RNF150: variants seen among roughly 807,000 people sequenced by gnomAD.
RNF150 encodes the protein ring finger protein 150.
In RNF150, 24 loss-of-function variants were observed where a neutral mutation model predicts 39.3. The ratio of observed to expected loss-of-function variants is 0.61; its 90% CI spans 0.44 to 0.86. RNF150 has a LOEUF of 0.86. Ranked by LOEUF, RNF150 falls within the 40% of genes least tolerant of loss-of-function variation. RNF150 has a pLI of 0.00. For synonymous variants in RNF150, 255 were observed against 227.3 expected (o/e 1.12, Z -1.10); for missense variants, 502 against 587.8 (o/e 0.85, Z 1.51).
intron 6 of RNF150, among the ~76,000 whole-genome samples, chr4:140,879,859 G>C (rs1051967712): frequency 2.0e-5 from 3 of 152,096 alleles, no homozygotes; most frequent in African/African-American, 7.2e-5. Flanking sequence ...CTTTGACTTT[G>C]CTGAATAGTT....
At chr4:141,061,224 G>T (rs1234821770) in intron 1 of RNF150, among the ~76,000 whole-genome samples, 2 of 152,070 alleles carry the variant, frequency 1.3e-5, no homozygotes, top group African/African-American at 4.8e-5. Context: ...GTACTGCATG[G>T]ATGTACATTC....
chr4:141,011,382 T>G (rs974872709), intron 1 of RNF150, among the ~76,000 whole-genome samples: 1 of 152,214 alleles, frequency 6.6e-6, no homozygotes, highest in Non-Finnish European at 1.5e-5. Flanking sequence ...GTTGAATGTC[T>G]ACCCCTCACT....
At position 140,905,667 on chromosome 4, in the gene RNF150, A is replaced by AG. The variant is rs150630289; in HGVS notation, c.1198+5476dup. ...GGCACCTCCCAATCCCAGGCCTGTG[A>AG]GGGGGTTGCTGCAGGGGAATCCCCA... On this transcript the variant is annotated intron_variant, in intron 6 of 6. Transcript: ENST00000515673. Among the ~76,000 whole-genome samples the AG allele has an allele frequency of 3.5e-3, 537 of 152,276 alleles. 3 individuals carry two copies. Among genetic ancestry groups the AG allele is most frequent in the African/African-American group, 0.011 (450 of 41,546 alleles).
intron 1 of RNF150, among the ~76,000 whole-genome samples, chr4:141,173,543 G>T (rs1446843524): frequency 6.6e-6 from 1 of 152,168 alleles, no homozygotes; most frequent in Non-Finnish European, 1.5e-5. Context: ...ATTGGTAAAT[G>T]GCTGTCAGGA....
intron 5 of RNF150, among the ~76,000 whole-genome samples, chr4:140,916,047 G>A (rs936613607): frequency 2.4e-4 from 36 of 152,132 alleles, no homozygotes; most frequent in South Asian, 6.2e-4. Context: ...CCATCTGTAC[G>A]TCCCCATCAT....
intron 6 of RNF150, among the ~76,000 whole-genome samples, chr4:140,885,074 C>A (rs1462363086): frequency 6.6e-6 from 1 of 151,992 alleles, no homozygotes; most frequent in African/African-American, 2.4e-5. Context: ...GGATCTGGGG[C>A]TTTCTATTAT....
chr4:141,158,195 G>A (rs1438618140), intron 1 of RNF150, among the ~76,000 whole-genome samples: 1 of 152,160 alleles, frequency 6.6e-6, no homozygotes, highest in Non-Finnish European at 1.5e-5. Flanking sequence ...GGAGGCTGAG[G>A]TAGGAGAGTC....
intron 1 of RNF150, among the ~76,000 whole-genome samples, chr4:141,077,759 G>C (rs1352493587): frequency 6.6e-6 from 1 of 152,200 alleles, no homozygotes; most frequent in Non-Finnish European, 1.5e-5. Context: ...AACAAATCAG[G>C]ATTCTGCACC....
intron 6 of RNF150, among the ~76,000 whole-genome samples, chr4:140,899,944 TTCTCTC>T (rs60297205): frequency 3.2e-4 from 35 of 110,022 alleles, no homozygotes; most frequent in African/African-American, 1.2e-3. Context: ...CTCTCTCACT[TTCTCTC>T]TCTCTCTCTC....
intron 6 of RNF150, among the ~76,000 whole-genome samples, chr4:140,910,662 G>A (rs1730559196): frequency 6.6e-6 from 1 of 152,130 alleles, no homozygotes; most frequent in Non-Finnish European, 1.5e-5. Flanking sequence ...CTTGTCCGTG[G>A]TCCAGACTAG....
In RNF150 at chr4:140,862,200, A is replaced by T. The variant is rs2111161514; in HGVS notation, c.*6061T>A. On this transcript the variant is annotated 3_prime_UTR_variant, in exon 7 of 7. Coordinates refer to ENST00000515673, the MANE Select transcript of RNF150 (RefSeq NM_020724.2). The stretch of plus-strand genomic sequence containing the variant: ...TGAGATTAAGCGACCTTCTCTAAGG[A>T]TTTTTCTCCCTCACTGTGTTCAGAC... The T allele has an allele frequency of 6.6e-6, 1 of 152,202 alleles. No homozygotes were observed. Among genetic ancestry groups the T allele is most frequent in the South Asian group, 2.1e-4 (1 of 4,810 alleles). The allele number at this position is 152,202 out of a possible 1,614,324, so 9.4% of individuals were successfully genotyped here.
intron 2 of RNF150, among the ~76,000 whole-genome samples, chr4:140,957,616 C>T (rs888191220): frequency 1.5e-4 from 23 of 151,962 alleles, no homozygotes; most frequent in African/African-American, 4.8e-4. Flanking sequence ...TTTATTGCGG[C>T]ATTATTCACA....
At position 140,965,123 on chromosome 4, in the gene RNF150, C is replaced by T. The variant is rs1053769453; in HGVS notation, c.735+2500G>A. On this transcript the variant is annotated intron_variant, in intron 2 of 6. Coordinates refer to ENST00000515673, the MANE Select transcript of RNF150 (RefSeq NM_020724.2). ...AAAGTAGAGGGTGAAAACATGAATG[C>T]TTTTCAGTAATCTTGGTCTATAGAA... Among the ~76,000 whole-genome samples the T allele has an allele frequency of 2.6e-5, 4 of 151,956 alleles. No homozygotes were observed. In the East Asian group the frequency reaches 7.7e-4, roughly 29 times the overall value.
intron 1 of RNF150, among the ~76,000 whole-genome samples, chr4:140,988,063 C>A (rs540242305): frequency 6.6e-6 from 1 of 152,270 alleles, no homozygotes; most frequent in East Asian, 1.9e-4. Flanking sequence ...TACCATCTCA[C>A]ACCAGTCACA....
chr4:140,920,220 T>A (rs75056402), intron 5 of RNF150, among the ~76,000 whole-genome samples: 9 of 144,814 alleles, frequency 6.2e-5, no homozygotes, highest in Non-Finnish European at 1.2e-4. Context: ...TTCTGCACAG[T>A]GAAAGAAACT....
intron 1 of RNF150, among the ~76,000 whole-genome samples, chr4:141,030,403 A>C (rs900165007): frequency 6.6e-6 from 1 of 152,200 alleles, no homozygotes; most frequent in Non-Finnish European, 1.5e-5. Flanking sequence ...AGTTCCCAAG[A>C]GGTTGAAAAT....
chr4:141,047,826 A>G (rs1003558611), intron 1 of RNF150, among the ~76,000 whole-genome samples: 3 of 152,056 alleles, frequency 2.0e-5, no homozygotes, highest in Non-Finnish European at 4.4e-5. Flanking sequence ...AACAAACTTA[A>G]TGGATCATTT....
At chr4:141,161,069 G>A (rs1727504310) in intron 1 of RNF150, among the ~76,000 whole-genome samples, 1 of 152,164 alleles carries the variant, frequency 6.6e-6, no homozygotes, top group South Asian at 2.1e-4. Flanking sequence ...AAGATGATAG[G>A]AAGGTGAGGG....
chr4:140,934,497 A>C (rs1648740106), intron 4 of RNF150, among the ~76,000 whole-genome samples: 1 of 152,190 alleles, frequency 6.6e-6, no homozygotes, highest in African/African-American at 2.4e-5. Flanking sequence ...ATTGCTGCTC[A>C]CCGCACAAGC....
Sources: gnomAD v4.1 joint callset for allele counts (sites outside exome capture counted in the v4.1 genomes callset) on GRCh38, gnomAD v4.1.1 for gene constraint, MANE v1.5 for transcripts, NCBI Gene and HGNC (gene_info 2026-07-23, HGNC 2026-07-21) for gene names.